The following TINAG variants were observed in gnomAD, a reference collection of about 807,000 sequenced individuals.
The protein encoded by TINAG is tubulointerstitial nephritis antigen.
TINAG carries 83 observed loss-of-function variants against 72.7 expected under a neutral mutation model. The observed-to-expected ratio is 1.14, with a 90% confidence interval of 0.96 to 1.37. The LOEUF is 1.37. Ranked by LOEUF, TINAG falls within the 40% of genes most tolerant of loss-of-function variation. The pLI, the probability that TINAG is intolerant of heterozygous loss-of-function variation, is 0.00. For missense variants in TINAG, 685 were observed against 576.6 expected, an observed-to-expected ratio of 1.19 and a Z score of -1.93; for synonymous variants, 234 against 189.9, an observed-to-expected ratio of 1.23 and a Z score of -1.91.
At chr6:54,341,119 A>G (rs1486571223) in intron 4 of TINAG, among the ~76,000 whole-genome samples, 4 of 152,178 alleles carry the variant, frequency 2.6e-5, no homozygotes, top group Non-Finnish European at 5.9e-5. Context: ...TTGAAATTTT[A>G]AAGTGATAAA....
chr6:54,310,527 TTCTC>T (rs1324352817), intron 1 of TINAG, among the ~76,000 whole-genome samples: 38 of 150,004 alleles, frequency 2.5e-4, no homozygotes, highest in South Asian at 4.3e-4. Context: ...TTTTCTTTCT[TTCTC>T]TCTCTGTCTC....
intron 8 of TINAG, among the ~76,000 whole-genome samples, chr6:54,352,383 A>G (rs1156782987): frequency 2.0e-5 from 3 of 151,858 alleles, no homozygotes. Flanking sequence ...TTATTGAGAA[A>G]CCACAGCCTA....
At chr6:54,343,865 A>G (rs998010204) in intron 5 of TINAG, among the ~76,000 whole-genome samples, 1 of 152,200 alleles carries the variant, frequency 6.6e-6, no homozygotes, top group African/African-American at 2.4e-5. Context: ...GTTCTGACTC[A>G]AAAGTAATGT....
chr6:54,356,923 A>AT (rs143053244), intron 9 of TINAG, among the ~76,000 whole-genome samples: 58 of 150,856 alleles, frequency 3.8e-4, no homozygotes, highest in African/African-American at 1.3e-3. Flanking sequence ...CAGATTAAAA[A>AT]AAAAAACCTC....
chr6:54,314,381 G>T (rs1036575608), intron 1 of TINAG, among the ~76,000 whole-genome samples: 10 of 152,076 alleles, frequency 6.6e-5, no homozygotes, highest in African/African-American at 1.4e-4. Context: ...GGAAAAGAAG[G>T]TTAGAGTTTC....
chr6:54,377,922 A>G (rs1763828303), intron 9 of TINAG, among the ~76,000 whole-genome samples: 2 of 152,156 alleles, frequency 1.3e-5, no homozygotes, highest in Admixed American at 1.3e-4. Flanking sequence ...GGTTTTAACC[A>G]CAGGAATTTG....
intron 9 of TINAG, among the ~76,000 whole-genome samples, chr6:54,369,617 T>C (rs1247969660): frequency 2.0e-5 from 3 of 151,920 alleles, no homozygotes; most frequent in Admixed American, 1.3e-4. Context: ...GTTGAGTTAG[T>C]GTATGGGAAG....
intron 4 of TINAG, among the ~76,000 whole-genome samples, chr6:54,330,657 G>A (rs966174920): frequency 1.1e-4 from 16 of 152,150 alleles, no homozygotes; most frequent in African/African-American, 3.9e-4. Context: ...AAACATCAAT[G>A]AATGCAGGAG....
chr6:54,335,093 C>T (rs935664881), intron 4 of TINAG, among the ~76,000 whole-genome samples: 1 of 152,174 alleles, frequency 6.6e-6, no homozygotes, highest in African/African-American at 2.4e-5. Context: ...GCCACACACT[C>T]ACTTATGTGT....
intron 9 of TINAG, among the ~76,000 whole-genome samples, chr6:54,374,452 G>A (rs7758586): frequency 0.095 from 14,516 of 152,066 alleles, 1,166 homozygotes; most frequent in East Asian, 0.35. Context: ...TGTGGAGTCT[G>A]TTTCTATCCA....
chr6:54,345,836 T>C (rs1261967691), intron 5 of TINAG, among the ~76,000 whole-genome samples: 2 of 152,072 alleles, frequency 1.3e-5, no homozygotes, highest in African/African-American at 2.4e-5. Flanking sequence ...ATTAAAAATA[T>C]GTGTATACAA....
At chr6:54,359,953 A>G (rs1246420100) in intron 9 of TINAG, among the ~76,000 whole-genome samples, 1 of 151,818 alleles carries the variant, frequency 6.6e-6, no homozygotes, top group African/African-American at 2.4e-5. Context: ...GTAACACGAC[A>G]AATTCTGTTT....
chr6:54,374,392 G>A (rs1024474969), intron 9 of TINAG, among the ~76,000 whole-genome samples: 1 of 152,084 alleles, frequency 6.6e-6, no homozygotes, highest in Non-Finnish European at 1.5e-5. Context: ...TTTTGCTCAA[G>A]TAGAAAATTA....
At chr6:54,364,345 G>T (rs893992243) in intron 9 of TINAG, among the ~76,000 whole-genome samples, 30 of 151,510 alleles carry the variant, frequency 2.0e-4, no homozygotes, top group South Asian at 4.1e-4. Context: ...AAGGGTTTAG[G>T]ATATGCATAA....
intron 9 of TINAG, among the ~76,000 whole-genome samples, chr6:54,359,030 C>T (rs942859457): frequency 8.6e-5 from 13 of 151,860 alleles, no homozygotes; most frequent in East Asian, 3.9e-4. Context: ...CATTTTTCTT[C>T]GGTACAGAAC....
chr6:54,374,914 A>G (rs764953397), intron 9 of TINAG, among the ~76,000 whole-genome samples: 2 of 151,898 alleles, frequency 1.3e-5, no homozygotes, highest in African/African-American at 4.8e-5. Context: ...GTTTTTTTTA[A>G]TCTGTCTGGA....
intron 4 of TINAG, among the ~76,000 whole-genome samples, chr6:54,337,576 A>T (rs1248244306): frequency 6.6e-6 from 1 of 152,054 alleles, no homozygotes; most frequent in Admixed American, 6.6e-5. Flanking sequence ...TTTTGATTTG[A>T]CTAGGAATAA....
intron 10 of TINAG, among the ~76,000 whole-genome samples, chr6:54,381,518 C>A (rs1340816287): frequency 6.6e-6 from 1 of 151,958 alleles, no homozygotes; most frequent in African/African-American, 2.4e-5. Flanking sequence ...ATAAGGCACT[C>A]ACAGAATTCA....
chr6:54,371,998 T>TTTTTTTTG (rs1763630197), intron 9 of TINAG, among the ~76,000 whole-genome samples: 1 of 142,892 alleles, frequency 7.0e-6, no homozygotes, highest in African/African-American at 2.6e-5. Context: ...TTTTTTTTTT[T>TTTTTTTTG]TTTTTTTTTT....
Sources: gnomAD v4.1 joint callset for allele counts (sites outside exome capture counted in the v4.1 genomes callset) on GRCh38, gnomAD v4.1.1 for gene constraint, MANE v1.5 for transcripts, NCBI Gene and HGNC (gene_info 2026-07-23, HGNC 2026-07-21) for gene names.